Variants in ANKRD29 observed in about 807,000 individuals in gnomAD.
ANKRD29 encodes ankyrin repeat domain-containing protein 29.
Under a neutral mutation model 38.0 loss-of-function variants are expected in ANKRD29, and 32 were observed. The ratio of observed to expected loss-of-function variants is 0.84; its 90% CI spans 0.64 to 1.13. The LOEUF (loss-of-function observed/expected upper bound fraction) is 1.13. Among genes scored for constraint, ANKRD29 ranks in the 50% most tolerant of loss-of-function variants. The pLI is 0.00. For synonymous variants in ANKRD29, 135 were observed against 152.4 expected, an observed-to-expected ratio of 0.89 and a Z score of 0.84; for missense variants, 357 against 377.9, an observed-to-expected ratio of 0.94 and a Z score of 0.46.
At chr18:23,615,841 A>G (rs1369116822) in intron 8 of ANKRD29, among the ~76,000 whole-genome samples, 2 of 150,142 alleles carry the variant, frequency 1.3e-5, no homozygotes, top group African/African-American at 4.9e-5. Context: ...CTAACATTTC[A>G]GTAAATATTA....
intron 4 of ANKRD29, among the ~76,000 whole-genome samples, chr18:23,636,177 G>A (rs562213279): frequency 1.3e-5 from 2 of 152,252 alleles, no homozygotes; most frequent in East Asian, 1.9e-4. Flanking sequence ...CTGCTCTGTC[G>A]CCCAGGCTGG....
Position 23,634,141 on chromosome 18 carries a change from G to T in ANKRD29, c.339C>A (p.Gly113=). Residue 113 remains glycine, a synonymous_variant, in exon 5 of 10, where the codon GGC becomes GGA. Coordinates refer to ENST00000592179, the MANE Select transcript of ANKRD29 (RefSeq NM_173505.4). ...ACTGACTGGCAGCCAACAGGGCGGT[G>T]CCCCCGTCCTATGGACATGCAAAGT... The part of the protein sequence containing the change: ...ASTEFRTKDG[G]TALLAASQYG... The T allele has an allele frequency of 6.2e-7, 1 of 1,614,122 alleles. No homozygotes were observed. Among genetic ancestry groups the T allele is most frequent in the South Asian group, 1.1e-5 (1 of 91,082 alleles).
At chr18:23,659,833 A>G (rs1410860425) in intron 1 of ANKRD29, among the ~76,000 whole-genome samples, 1 of 151,884 alleles carries the variant, frequency 6.6e-6, no homozygotes, top group African/African-American at 2.4e-5. Context: ...TGCATCGGCC[A>G]GGCGCGGTGG....
chr18:23,662,651 C>G, intron 1 of ANKRD29, 59 bp downstream of exon 1: 1 of 1,230,010 alleles, frequency 8.1e-7, no homozygotes, highest in Non-Finnish European at 1.1e-6. Flanking sequence ...CACCCGACCC[C>G]GCGGGCCCGG....
chr18:23,644,032 G>A (rs1002842426), intron 3 of ANKRD29, among the ~76,000 whole-genome samples: 28 of 152,186 alleles, frequency 1.8e-4, no homozygotes, highest in African/African-American at 6.8e-4. Flanking sequence ...TTCAGGGACT[G>A]CCAGGAACTT....
intron 9 of ANKRD29, among the ~76,000 whole-genome samples, chr18:23,607,684 C>T (rs1320589408): frequency 6.6e-6 from 1 of 152,212 alleles, no homozygotes; most frequent in Non-Finnish European, 1.5e-5. Flanking sequence ...TTAGTCCCCA[C>T]TAGATTCTCA....
intron 2 of ANKRD29, among the ~76,000 whole-genome samples, chr18:23,648,254 TAACCAAAGATATCCCGTA>T (rs917582433): frequency 5.2e-4 from 79 of 152,300 alleles, no homozygotes; most frequent in African/African-American, 1.9e-3. Context: ...TCTGGAGGTG[TAACCAAAGATATCCCGTA>T]AACCAAAGAT....
intron 1 of ANKRD29, among the ~76,000 whole-genome samples, chr18:23,654,688 C>T (rs901025979): frequency 2.0e-5 from 3 of 148,442 alleles, no homozygotes; most frequent in Admixed American, 6.7e-5. Context: ...TTACATTTTA[C>T]ACCTTGTAGA....
chr18:23,615,940 T>TAC (rs1401630561), intron 8 of ANKRD29, among the ~76,000 whole-genome samples: 2,968 of 141,994 alleles, frequency 0.021, 125 homozygotes, highest in South Asian at 0.076. Context: ...TTATATAGTA[T>TAC]ATAATATATA....
chr18:23,612,892 C>A (rs1422585049), intron 8 of ANKRD29, among the ~76,000 whole-genome samples: 3 of 151,996 alleles, frequency 2.0e-5, no homozygotes, highest in Non-Finnish European at 4.4e-5. Context: ...AAACTAAGAA[C>A]AGTGGGCAGT....
At chr18:23,662,664 G>T in intron 1 of ANKRD29, 46 bp downstream of exon 1, 1 of 999,048 alleles carries the variant, frequency 1.0e-6, no homozygotes, top group Non-Finnish European at 1.3e-6. Context: ...GGGCCCGGCC[G>T]CCCGAGCCCG....
At chr18:23,658,960 T>C (rs2060319716) in intron 1 of ANKRD29, among the ~76,000 whole-genome samples, 1 of 152,144 alleles carries the variant, frequency 6.6e-6, no homozygotes. Flanking sequence ...TCCCTATCTA[T>C]GGTATTTATA....
chr18:23,632,627 C>G (rs9946202), intron 5 of ANKRD29, among the ~76,000 whole-genome samples: 10 of 151,566 alleles, frequency 6.6e-5, no homozygotes, highest in African/African-American at 2.4e-4. Context: ...TTAGATTAGG[C>G]TACATGTGAG....
chr18:23,621,631 T>C (rs1370895843), intron 6 of ANKRD29, among the ~76,000 whole-genome samples: 1 of 152,182 alleles, frequency 6.6e-6, no homozygotes, highest in Non-Finnish European at 1.5e-5. Context: ...TATTCTTTAT[T>C]TGATTTTCCC....
intron 4 of ANKRD29, among the ~76,000 whole-genome samples, chr18:23,634,439 A>T (rs2059977781): frequency 6.6e-6 from 1 of 151,812 alleles, no homozygotes; most frequent in Non-Finnish European, 1.5e-5. Flanking sequence ...ACAGGCGTGC[A>T]CCACCATGCC....
chr18:23,657,893 C>T (rs1346531064), intron 1 of ANKRD29, among the ~76,000 whole-genome samples: 6 of 152,144 alleles, frequency 3.9e-5, no homozygotes, highest in Admixed American at 6.6e-5. Flanking sequence ...ATCCCCTGCC[C>T]GAGTTGGTCC....
At position 23,599,053 on chromosome 18, in the gene ANKRD29, G is replaced by A. The variant is rs1245536861; in HGVS notation, c.*2173C>T. ...TTTGCATAGGAATTGCTAGTTTTAAGTCTTAGGATGCGGAGCTAACTGAAT... is the reference window on the plus strand; with the variant it reads ...TTTGCATAGGAATTGCTAGTTTTAAATCTTAGGATGCGGAGCTAACTGAAT... On this transcript the variant is annotated 3_prime_UTR_variant, in exon 10 of 10. Coordinates refer to ENST00000592179, the MANE Select transcript of ANKRD29 (RefSeq NM_173505.4). 2 of 152,198 alleles carry A rather than the reference G, an allele frequency of 1.3e-5. No homozygotes were observed. Among genetic ancestry groups the A allele is most frequent in the South Asian group, 2.1e-4 (1 of 4,834 alleles). 9.4% of individuals were successfully genotyped at this position (152,198 alleles called of 1,614,324 possible).
In ANKRD29 at chr18:23,611,641, C is replaced by T. The variant is rs1788805; in HGVS notation, c.822+451G>A. On this transcript the variant is annotated intron_variant, in intron 9 of 9. Coordinates refer to ENST00000592179, the MANE Select transcript of ANKRD29 (RefSeq NM_173505.4). ...TGGAGGTTGCAGTGAGCCAAGATCA[C>T]GCCACTGCACTCCAGTCTGGGTGAC... Among the ~76,000 whole-genome samples the T allele has an allele frequency of 8.3e-3, 1,269 of 152,162 alleles. 16 individuals are homozygous for T. Among genetic ancestry groups the T allele is most frequent in the African/African-American group, 0.025 (1,035 of 41,506 alleles).
chr18:23,619,106 A>T lies in ANKRD29; in HGVS notation c.627+425T>A, dbSNP rs568355350. Among the ~76,000 whole-genome samples, 3 of 152,360 alleles carry T rather than the reference A, an allele frequency of 2.0e-5. No homozygotes were observed. In the East Asian group the frequency reaches 5.8e-4, roughly 29 times the overall value. The stretch of plus-strand genomic sequence containing the variant: ...GTATTAGGTGGCACCAGCAGAGGCC[A>T]GTGGATGACGGCGGGCCAACAGGGG... On this transcript the variant is annotated intron_variant, in intron 7 of 9. Coordinates refer to ENST00000592179, the MANE Select transcript of ANKRD29 (RefSeq NM_173505.4).
Sources: gnomAD v4.1 joint callset for allele counts (sites outside exome capture counted in the v4.1 genomes callset) on GRCh38, gnomAD v4.1.1 for gene constraint, MANE v1.5 for transcripts, NCBI Gene and HGNC (gene_info 2026-07-23, HGNC 2026-07-21) for gene names.